PAICS: variants seen among roughly 807,000 people sequenced by gnomAD.
The protein encoded by PAICS is phosphoribosylaminoimidazole carboxylase and phosphoribosylaminoimidazolesuccinocarboxamide synthase, also known as bifunctional phosphoribosylaminoimidazole carboxylase/phosphoribosylaminoimidazole succinocarboxamide synthetase.
In PAICS, 33 loss-of-function variants were observed where a neutral mutation model predicts 53.7. That is an observed-to-expected ratio of 0.61 (90% CI 0.47 to 0.82). The LOEUF (loss-of-function observed/expected upper bound fraction) is 0.82, where lower values mean the gene tolerates loss of function less well. Ranked by LOEUF, PAICS falls within the 40% of genes least tolerant of loss-of-function variation. PAICS has a pLI of 0.00. For synonymous variants in PAICS, 141 were observed against 167.2 expected (o/e 0.84, Z 1.21); for missense variants, 394 against 494.1 (o/e 0.80, Z 1.92).
chr4:56,443,930 A>G lies in PAICS; in HGVS notation c.214+2070A>G, dbSNP rs78408814. Among the ~76,000 whole-genome samples the G allele has an allele frequency of 2.3e-3, 352 of 152,336 alleles. 3 individuals are homozygous for G. The highest frequency in any genetic ancestry group is 8.3e-3 in the African/African-American group (344 of 41,574). On this transcript the variant is annotated intron_variant, in intron 2 of 8. Transcript: ENST00000512576. ...ACTGGTTCACAGGAAATGTTGAAAG[A>G]TATTTTCCAGATTTTATGTCTAGTA...
chr4:56,414,674 T>C, the PAICS span, among the ~76,000 whole-genome samples: 3 of 152,344 alleles, frequency 2.0e-5, no homozygotes, highest in Non-Finnish European at 2.9e-5. Flanking sequence ...CACTACCATC[T>C]GTATGTTTGG....
At chr4:56,411,950 A>C in the PAICS span, among the ~76,000 whole-genome samples, 15 of 152,338 alleles carry the variant, frequency 9.8e-5, no homozygotes, top group South Asian at 6.2e-4. Context: ...TTCTGAGATG[A>C]CACCAAATTC....
intron 1 of PAICS, among the ~76,000 whole-genome samples, chr4:56,437,845 A>AG (rs1718103753): frequency 6.7e-6 from 1 of 149,602 alleles, no homozygotes; most frequent in South Asian, 2.1e-4. Context: ...AAAAAAAAAA[A>AG]GCTGTAGACT....
At chr4:56,455,888 G>A (rs140393077) in intron 8 of PAICS, among the ~76,000 whole-genome samples, 4 of 151,928 alleles carry the variant, frequency 2.6e-5, no homozygotes, top group African/African-American at 9.7e-5. Context: ...ATGGACTTTC[G>A]GTGAGCTCTT....
At chr4:56,438,820 T>C (rs1718185561) in intron 1 of PAICS, among the ~76,000 whole-genome samples, 2 of 152,194 alleles carry the variant, frequency 1.3e-5, no homozygotes, top group Admixed American at 1.3e-4. Flanking sequence ...CAATTTTTTA[T>C]ATCGAATGCA....
chr4:56,421,120 G>A, the PAICS span: 6 of 152,214 alleles, frequency 3.9e-5, no homozygotes, highest in East Asian at 1.9e-4. Flanking sequence ...TCAGATCAAC[G>A]GCAACATTAG....
At chr4:56,425,932 C>G in the PAICS span, among the ~76,000 whole-genome samples, 1 of 152,210 alleles carries the variant, frequency 6.6e-6, no homozygotes. Context: ...GCATTAACCT[C>G]TACACTTGAC....
At position 56,451,631 on chromosome 4, in the gene PAICS, GTTTAT is replaced by G. The variant is rs1277977245; in HGVS notation, c.772-236_772-232del. Among the ~76,000 whole-genome samples the G allele has an allele frequency of 7.9e-5, 12 of 152,110 alleles. No individual in the cohort carries two copies. In the South Asian group the frequency reaches 1.7e-3, roughly 21 times the overall value. On this transcript the variant is annotated intron_variant, in intron 6 of 8. Transcript: ENST00000512576. Reference sequence around the variant, plus strand: ...TTAAAAGATTTTGAGTATCTTTACTGTTTATTTTAAATAATTTGTCTGATAAAAAT... The same window carrying G: ...TTAAAAGATTTTGAGTATCTTTACTGTTTAAATAATTTGTCTGATAAAAAT...
chr4:56,420,023 C>T, the PAICS span: 51 of 984,046 alleles, frequency 5.2e-5, no homozygotes, highest in East Asian at 4.8e-3. Flanking sequence ...AATGTGCCAA[C>T]GTAAAAATGG....
At chr4:56,425,880 C>G in the PAICS span, among the ~76,000 whole-genome samples, 4 of 152,164 alleles carry the variant, frequency 2.6e-5, no homozygotes, top group Non-Finnish European at 4.4e-5. Context: ...CAATGCAGTT[C>G]ATGTTTCCTT....
At chr4:56,459,038 AGTT>A (rs1200333454) in intron 8 of PAICS, among the ~76,000 whole-genome samples, 1 of 152,196 alleles carries the variant, frequency 6.6e-6, no homozygotes, top group Non-Finnish European at 1.5e-5. Context: ...ATTTTGCTTC[AGTT>A]GTTCTTCGCC....
intron 2 of PAICS, among the ~76,000 whole-genome samples, chr4:56,444,379 A>C (rs770255602): frequency 6.6e-6 from 1 of 152,202 alleles, no homozygotes; most frequent in Non-Finnish European, 1.5e-5. Flanking sequence ...ATTTCCTCAC[A>C]GAAACTCACT....
At chr4:56,428,627 A>G in the PAICS span, among the ~76,000 whole-genome samples, 1 of 152,202 alleles carries the variant, frequency 6.6e-6, no homozygotes, top group Non-Finnish European at 1.5e-5. Flanking sequence ...TGGAATTGAC[A>G]TTAACAAAAA....
Position 56,436,310 on chromosome 4 carries a change from A to T in PAICS, c.-3A>T, listed in dbSNP as rs1379019079. On this transcript the variant is annotated 5_prime_UTR_variant, in exon 1 of 9. Transcript: ENST00000512576. ...GGTCGCAGCCCTCAGCCCACTTAGG[A>T]TAATGGCGACAGCTGAGGGTGAGTA... is the stretch of plus-strand genomic sequence containing the variant. The T allele has an allele frequency of 6.2e-7, 1 of 1,602,956 alleles. No homozygotes were observed. The highest frequency in any genetic ancestry group is 8.5e-7 in the Non-Finnish European group (1 of 1,175,182).
rs961599924 is a variant in PAICS at position 56,448,346 on chromosome 4, G to C, written c.394-72G>C. The C allele has an allele frequency of 7.4e-6, 8 of 1,080,370 alleles. No individual in the cohort carries two copies. The South Asian group carries it at 1.5e-4, about 21-fold the overall frequency. 66.9% of individuals were successfully genotyped at this position (1,080,370 alleles called of 1,614,324 possible). ...AAGGAGTTCATGCTCAAGGTGAAAA[G>C]GATGTTGGTTTTTCTGAAAAGTTTA... On this transcript the variant is annotated intron_variant, in intron 3 of 8. Coordinates refer to ENST00000512576, the MANE Select transcript of PAICS (RefSeq NM_001079524.2).
chr4:56,442,601 C>A (rs1040914308), intron 2 of PAICS, among the ~76,000 whole-genome samples: 1 of 152,116 alleles, frequency 6.6e-6, no homozygotes, highest in Admixed American at 6.6e-5. Context: ...GTGTAAATAG[C>A]CTCATTGCTT....
chr4:56,435,782 G>A, upstream of PAICS: 2 of 1,510,474 alleles, frequency 1.3e-6, no homozygotes, highest in African/African-American at 1.4e-5. Context: ...CTGGAAAGCT[G>A]TATTTGCTGC....
intron 1 of PAICS, among the ~76,000 whole-genome samples, chr4:56,440,497 C>G (rs1050271536): frequency 6.6e-6 from 1 of 152,162 alleles, no homozygotes; most frequent in South Asian, 2.1e-4. Context: ...CCCACCCCTT[C>G]CCCTGCCCAA....
At chr4:56,437,739 TGAACC>T (rs1375744443) in intron 1 of PAICS, among the ~76,000 whole-genome samples, 2 of 143,566 alleles carry the variant, frequency 1.4e-5, no homozygotes, top group Non-Finnish European at 3.0e-5. Flanking sequence ...GAGAATCACT[TGAACC>T]GGGGAGTCAG....
Sources: gnomAD v4.1 joint callset for allele counts (sites outside exome capture counted in the v4.1 genomes callset) on GRCh38, gnomAD v4.1.1 for gene constraint, MANE v1.5 for transcripts, NCBI Gene and HGNC (gene_info 2026-07-23, HGNC 2026-07-21) for gene names.